The following TTC34 variants were observed in gnomAD, a reference collection of about 807,000 sequenced individuals.
The protein encoded by TTC34 is tetratricopeptide repeat domain 34.
In TTC34, 44 loss-of-function variants were observed where a neutral mutation model predicts 40.7. That is an observed-to-expected ratio of 1.08 (90% CI 0.85 to 1.39). TTC34 has a LOEUF of 1.39. TTC34 is among the 40% of genes most tolerant of loss of function. The pLI is 0.00. For synonymous variants in TTC34, 422 were observed against 398.6 expected, an observed-to-expected ratio of 1.06 and a Z score of -0.70; for missense variants, 884 against 838.0, an observed-to-expected ratio of 1.05 and a Z score of -0.68.
chr1:2,666,164 C>G (rs1266215399), intron 6 of TTC34, among the ~76,000 whole-genome samples: 97 of 102,176 alleles, frequency 9.5e-4, no homozygotes, highest in African/African-American at 1.4e-3. Context: ...GGAACAGCAC[C>G]CACACCCACA....
chr1:2,800,312 C>T (rs1159705173), exon 2 of TTC34: 11 of 398,494 alleles, frequency 2.8e-5, no homozygotes, highest in Admixed American at 8.8e-5. Flanking sequence ...TGAAAGCTAC[C>T]GTCCGGTCGG....
intron 6 of TTC34, among the ~76,000 whole-genome samples, chr1:2,749,004 C>CTG (rs2100423560): frequency 7.1e-6 from 1 of 139,908 alleles, no homozygotes; most frequent in African/African-American, 2.8e-5. Context: ...ACCCACACGC[C>CTG]CAGGTGAGCA....
At chr1:2,660,661 GTGCC>G (rs1639515536) in intron 6 of TTC34, among the ~76,000 whole-genome samples, 1 of 37,022 alleles carries the variant, frequency 2.7e-5, no homozygotes, top group Non-Finnish European at 5.9e-5. Flanking sequence ...GTCAGGAGCA[GTGCC>G]CACACACCCA....
chr1:2,653,809 C>A (rs75708193), intron 6 of TTC34, among the ~76,000 whole-genome samples: 15 of 152,186 alleles, frequency 9.9e-5, no homozygotes, highest in South Asian at 8.3e-4. Flanking sequence ...AGTGCCCACA[C>A]CCCCAGGTGA....
chr1:2,654,907 C>T (rs1639287630), intron 6 of TTC34, among the ~76,000 whole-genome samples: 1 of 152,060 alleles, frequency 6.6e-6, no homozygotes, highest in Non-Finnish European at 1.5e-5. Flanking sequence ...AGGTGAGCAT[C>T]TGACAGCCTG....
intron 6 of TTC34, among the ~76,000 whole-genome samples, chr1:2,686,655 T>G (rs1300313981): frequency 6.6e-6 from 1 of 150,380 alleles, no homozygotes; most frequent in African/African-American, 2.5e-5. Context: ...CAGGTGAGCA[T>G]CTGACAGCCT....
At chr1:2,692,496 AG>A (rs368833074) in intron 6 of TTC34, among the ~76,000 whole-genome samples, 279 of 128,708 alleles carry the variant, frequency 2.2e-3, no homozygotes, top group Non-Finnish European at 3.4e-3. Context: ...CTGGAACAGC[AG>A]CCTGCACCCC....
At chr1:2,793,649 A>G (rs758718039) in intron 2 of TTC34, among the ~76,000 whole-genome samples, 1 of 152,216 alleles carries the variant, frequency 6.6e-6, no homozygotes, top group Non-Finnish European at 1.5e-5. Flanking sequence ...GGTGAGAGGT[A>G]GGAAATCAGT....
At chr1:2,642,127 C>T (rs576606788) in intron 8 of TTC34, among the ~76,000 whole-genome samples, 88 of 152,298 alleles carry the variant, frequency 5.8e-4, no homozygotes, top group African/African-American at 1.9e-3. Flanking sequence ...TTCCCACTGC[C>T]CTGGAACCTG....
chr1:2,749,723 A>G (rs1641255657), intron 6 of TTC34, among the ~76,000 whole-genome samples: 1 of 79,906 alleles, frequency 1.3e-5, no homozygotes, highest in Non-Finnish European at 2.3e-5. Flanking sequence ...CAGCACGCAC[A>G]ACCCCAGGTG....
chr1:2,647,404 C>T (rs574412555), intron 6 of TTC34, among the ~76,000 whole-genome samples: 60 of 152,166 alleles, frequency 3.9e-4, no homozygotes, highest in African/African-American at 1.4e-3. Context: ...GTGGGCAGAT[C>T]CAGAGGTCAG....
rs79039786 is a variant in TTC34 at position 2,796,276 on chromosome 1, C to A, written c.784+3768G>T. Among the ~76,000 whole-genome samples, 27 of 152,302 alleles carry A rather than the reference C, an allele frequency of 1.8e-4. 1 individual carries two copies. In the East Asian group the frequency reaches 5.2e-3, roughly 29 times the overall value. ...CTGGTTTGTGCAATGTTTCCAAGGACTTTGGAAAGTAACCTCCAGATGGAA... is the reference window on the plus strand; with the variant it reads ...CTGGTTTGTGCAATGTTTCCAAGGAATTTGGAAAGTAACCTCCAGATGGAA... On this transcript the variant is annotated intron_variant, in intron 2 of 8. Transcript: ENST00000401095. The surrounding 1 kb of genome is among the most constrained non-coding windows in gnomAD (Gnocchi z 4.5).
In TTC34 at chr1:2,760,411, G is replaced by C. The variant is rs1641657632; in HGVS notation, c.2226+23198C>G. ...CTGGAACATCACCCCGCACCCACAG[G>C]CGAGCATCTGACAGCCTGGAGCAGC... On this transcript the variant is annotated intron_variant, in intron 6 of 8. Transcript: ENST00000401095. 5.7e-5 allele frequency among the ~76,000 whole-genome samples: 3 copies of C among 52,838 alleles called. 1 individual carries two copies. The highest frequency in any genetic ancestry group is 8.9e-5 in the Non-Finnish European group (3 of 33,816). The allele number at this position is 52,838 out of a possible 152,430, so 34.7% of individuals were successfully genotyped here.
At chr1:2,748,179 C>T (rs1168838107) in intron 6 of TTC34, among the ~76,000 whole-genome samples, 1 of 46,088 alleles carries the variant, frequency 2.2e-5, no homozygotes, top group Non-Finnish European at 3.6e-5. Flanking sequence ...AGCATCTGAA[C>T]CAACGGAGCA....
At chr1:2,748,566 T>TTGA (rs1641220689) in intron 6 of TTC34, among the ~76,000 whole-genome samples, 1 of 46,518 alleles carries the variant, frequency 2.1e-5, no homozygotes, top group African/African-American at 1.2e-4. Context: ...CACACCACCA[T>TTGA]GCGAGCATCT....
At chr1:2,687,529 C>G (rs1196423456) in intron 6 of TTC34, among the ~76,000 whole-genome samples, 3 of 147,772 alleles carry the variant, frequency 2.0e-5, no homozygotes, top group African/African-American at 8.0e-5. Context: ...CCCACACCCC[C>G]AGGTGAGCAT....
At chr1:2,768,348 C>T (rs1257654693) in intron 6 of TTC34, among the ~76,000 whole-genome samples, 2 of 152,046 alleles carry the variant, frequency 1.3e-5, no homozygotes, top group Non-Finnish European at 2.9e-5. Flanking sequence ...CAGATGCTCA[C>T]CTGGGGACGC....
At chr1:2,799,729 C>T (rs116516557) in intron 2 of TTC34, among the ~76,000 whole-genome samples, 1 of 152,118 alleles carries the variant, frequency 6.6e-6, no homozygotes, top group Non-Finnish European at 1.5e-5. Context: ...GGAGCCCAAG[C>T]TCTTGCTCCC....
chr1:2,749,478 CCACATCCCCAGGTGAGCATTG>C (rs1641247164), intron 6 of TTC34, among the ~76,000 whole-genome samples: 3 of 105,580 alleles, frequency 2.8e-5, no homozygotes, highest in South Asian at 3.4e-4. Context: ...GGAACAGCAC[CCACATCCCCAGGTGAGCATTG>C]GACAGCCTGG....
Sources: gnomAD v4.1 joint callset for allele counts (sites outside exome capture counted in the v4.1 genomes callset) on GRCh38, gnomAD v4.1.1 for gene constraint, Gnocchi (gnomAD v3.1) non-coding constraint, MANE v1.5 for transcripts, NCBI Gene and HGNC (gene_info 2026-07-23, HGNC 2026-07-21) for gene names.